The following DOCK10 variants were observed in gnomAD, a reference collection of about 807,000 sequenced individuals.
The protein encoded by DOCK10 is dedicator of cytokinesis 10, also known as dedicator of cytokinesis protein 10.
DOCK10 carries 145 observed loss-of-function variants against 280.1 expected under a neutral mutation model. The observed-to-expected ratio is 0.52, with a 90% CI of 0.45 to 0.59. The LOEUF (loss-of-function observed/expected upper bound fraction) is 0.59. Among genes scored for constraint, DOCK10 ranks in the 20% least tolerant of loss-of-function variants. DOCK10 has a pLI of 0.00. For synonymous variants in DOCK10, 915 were observed against 942.2 expected (o/e 0.97, Z 0.53); for missense variants, 2,368 against 2,651.7 (o/e 0.89, Z 2.35).
Position 224,864,694 on chromosome 2 carries a change from G to A in DOCK10, c.1480-19C>T. On this transcript the variant is annotated intron_variant, in intron 12 of 55. Transcript: ENST00000258390. ...ATACAGCCTGTGTACAAAGAAAGCA[G>A]CTAATAAGCATGGAAGAAACCACAT... 6.3e-7 allele frequency: 1 copy of A among 1,599,460 alleles called. No individual in the cohort carries two copies. The highest frequency in any genetic ancestry group is 1.1e-5 in the South Asian group (1 of 87,750).
In DOCK10 at chr2:225,035,649, A is replaced by ACACT. The variant is rs1559987409; in HGVS notation, c.123+6602_123+6603insAGTG. Among the ~76,000 whole-genome samples the ACACT allele has an allele frequency of 6.3e-4, 85 of 134,472 alleles. 2 individuals are homozygous for ACACT. The highest frequency in any genetic ancestry group is 2.5e-3 in the African/African-American group (75 of 30,232). The allele number at this position is 134,472 out of a possible 152,430, so 88.2% of individuals were successfully genotyped here. Reference sequence around the variant, plus strand: ...CAGTGCGGGCTGCCATAATAACCAAAGAATCAGTGTTAATTGTGTGTTGTA... The same window carrying ACACT: ...CAGTGCGGGCTGCCATAATAACCAAACACTGAATCAGTGTTAATTGTGTGTTGTA... On this transcript the variant is annotated intron_variant, in intron 1 of 55. Transcript: ENST00000258390.
chr2:224,961,412 C>CTCTTTCTTTCTTTCCTTCTTTCTTTCTT (rs1704392074), intron 1 of DOCK10, among the ~76,000 whole-genome samples: 1 of 119,382 alleles, frequency 8.4e-6, no homozygotes, highest in Non-Finnish European at 1.7e-5. Context: ...TTCTTTCTTT[C>CTCTTTCTTTCTTTCCTTCTTTCTTTCTT]TCTTTCTTTC....
intron 4 of DOCK10, among the ~76,000 whole-genome samples, chr2:224,890,274 C>T (rs988941326): frequency 3.3e-5 from 5 of 152,056 alleles, no homozygotes; most frequent in African/African-American, 9.7e-5. Flanking sequence ...ACAGGCCAGG[C>T]GTCGCATTAA....
chr2:224,839,327 T>TC (rs1695805314), intron 24 of DOCK10, among the ~76,000 whole-genome samples: 1 of 151,484 alleles, frequency 6.6e-6, no homozygotes, highest in Non-Finnish European at 1.5e-5. Flanking sequence ...CAGGATGGTC[T>TC]CGATCTCCTG....
chr2:224,953,106 A>C (rs1703856456), intron 1 of DOCK10, among the ~76,000 whole-genome samples: 1 of 152,230 alleles, frequency 6.6e-6, no homozygotes, highest in South Asian at 2.1e-4. Flanking sequence ...AGACACATGT[A>C]CATGATGACA....
intron 28 of DOCK10, among the ~76,000 whole-genome samples, chr2:224,820,537 A>G (rs879906975): frequency 6.6e-6 from 1 of 152,232 alleles, no homozygotes; most frequent in African/African-American, 2.4e-5. Context: ...GCTGGTGTGG[A>G]GTGCTTCTTT....
At chr2:225,018,856 T>A (rs1461404978) in intron 1 of DOCK10, among the ~76,000 whole-genome samples, 2 of 147,396 alleles carry the variant, frequency 1.4e-5, no homozygotes, top group Non-Finnish European at 3.0e-5. Context: ...TATCGTTATA[T>A]ATGTGTATAT....
chr2:224,838,399 A>T (rs1431103700), intron 24 of DOCK10, among the ~76,000 whole-genome samples: 1 of 152,146 alleles, frequency 6.6e-6, no homozygotes, highest in Non-Finnish European at 1.5e-5. Context: ...TCACATTAAC[A>T]CTACCAGCTG....
chr2:225,008,690 T>C (rs562873483), intron 1 of DOCK10, among the ~76,000 whole-genome samples: 24 of 152,294 alleles, frequency 1.6e-4, no homozygotes, highest in African/African-American at 5.5e-4. Flanking sequence ...TGAGACTGGC[T>C]GTCTCATCTT....
intron 31 of DOCK10, among the ~76,000 whole-genome samples, chr2:224,813,136 G>A (rs973551530): frequency 2.8e-4 from 43 of 152,150 alleles, no homozygotes; most frequent in African/African-American, 1.0e-3. Flanking sequence ...TAGCTTGATT[G>A]TAGTAATCAT....
intron 1 of DOCK10, among the ~76,000 whole-genome samples, chr2:225,019,980 G>A (rs1192589708): frequency 2.0e-5 from 3 of 152,146 alleles, no homozygotes; most frequent in Non-Finnish European, 4.4e-5. Context: ...TGATCTATAT[G>A]TTGTTCCTGA....
At chr2:225,035,570 A>ATATATATAT (rs1553634931) in intron 1 of DOCK10, among the ~76,000 whole-genome samples, 7 of 58,234 alleles carry the variant, frequency 1.2e-4, no homozygotes, top group Non-Finnish European at 2.4e-4. Context: ...ATATATATAT[A>ATATATATAT]TATATATATA....
chr2:224,976,255 G>A (rs1209867700), intron 1 of DOCK10, among the ~76,000 whole-genome samples: 3 of 152,044 alleles, frequency 2.0e-5, no homozygotes, highest in Non-Finnish European at 4.4e-5. Flanking sequence ...GAAAGGGGAG[G>A]GAGAGCATTA....
chr2:224,868,132 G>T (rs1698046697), intron 11 of DOCK10, among the ~76,000 whole-genome samples: 2 of 152,126 alleles, frequency 1.3e-5, no homozygotes, highest in Non-Finnish European at 2.9e-5. Context: ...AAAGGATGGA[G>T]ATGGGAGTAG....
rs1023698644 is a variant in DOCK10 at position 224,770,780 on chromosome 2, A to G, written c.6205-135T>C. The G allele has an allele frequency of 3.6e-5, 23 of 638,816 alleles. No homozygotes were observed. Among genetic ancestry groups the G allele is most frequent in the South Asian group, 1.4e-4 (7 of 51,540 alleles). The allele number at this position is 638,816 out of a possible 1,614,324, so 39.6% of individuals were successfully genotyped here. A position where few individuals can be genotyped will look rare whatever the true frequency, so the allele number is the denominator to read the frequency against. On this transcript the variant is annotated intron_variant, in intron 53 of 55. Transcript: ENST00000258390. This position sits in a 1 kb window ranked among gnomAD's most constrained non-coding sequence, Gnocchi z 4.5. ...CCTGCCTTCTAGTCCACTCATTTGT[A>G]TACCTGACTTAGCTGCTGTCCTCCA...
chr2:224,804,733 T>C, intron 38 of DOCK10, 61 bp downstream of exon 38: 1 of 1,105,032 alleles, frequency 9.0e-7, no homozygotes, highest in South Asian at 1.6e-5. Context: ...CCTGACACAT[T>C]AATACATGTC....
intron 1 of DOCK10, among the ~76,000 whole-genome samples, chr2:224,985,152 T>C (rs1705937739): frequency 6.6e-6 from 1 of 152,188 alleles, no homozygotes. Context: ...TAAATGACCT[T>C]TGGAGATTCT....
At position 224,876,109 on chromosome 2, in the gene DOCK10, C is replaced by A; in HGVS notation, c.860G>T (p.Arg287Leu). ...CCCCTCAGGACTGATTTGCAGAATG[C>A]GGTTGAGGGTGTGGATCCATTCATC... is the stretch of plus-strand genomic sequence containing the variant. ...DMDEWIHTLNRILQISPEGPL... is the reference protein window; with the variant it reads ...DMDEWIHTLNLILQISPEGPL... Residue 287 changes from arginine (R) to leucine (L), a missense_variant, in exon 8 of 56, where the codon CGC becomes CTC. By Grantham distance (102) the Arg-to-Leu change is moderately radical. This residue lies in a region of DOCK10 where 1,209 missense variants were observed against 1,250.9 expected (regional missense o/e 0.97). Transcript: ENST00000258390. 2 of 1,613,842 alleles carry A rather than the reference C, an allele frequency of 1.2e-6. No individual in the cohort carries two copies. Among genetic ancestry groups the A allele is most frequent in the Non-Finnish European group, 1.7e-6 (2 of 1,179,844 alleles).
At chr2:224,920,285 G>T (rs1701630258) in intron 2 of DOCK10, among the ~76,000 whole-genome samples, 1 of 149,684 alleles carries the variant, frequency 6.7e-6, no homozygotes, top group South Asian at 2.1e-4. Context: ...TGTTGTCCAG[G>T]ATGGTCTCCA....
Sources: gnomAD v4.1 joint callset for allele counts (sites outside exome capture counted in the v4.1 genomes callset) on GRCh38, gnomAD v4.1.1 for gene constraint, gnomAD v4.1.1 regional missense constraint, Gnocchi (gnomAD v3.1) non-coding constraint, MANE v1.5 for transcripts, NCBI Gene and HGNC (gene_info 2026-07-23, HGNC 2026-07-21) for gene names.